The following TNS3 variants were observed in gnomAD, a reference collection of about 807,000 sequenced individuals.
TNS3 encodes tensin 3, also known as tensin-3.
Under a neutral mutation model 140.9 loss-of-function variants are expected in TNS3, and 45 were observed. The observed-to-expected ratio is 0.32, with a 90% confidence interval of 0.25 to 0.41. The LOEUF is 0.41. TNS3 is among the 10% of genes least tolerant of loss of function. TNS3 has a pLI of 1.00. For synonymous variants in TNS3, 815 were observed against 788.4 expected, an observed-to-expected ratio of 1.03 and a Z score of -0.56; for missense variants, 1,716 against 1,906.7, an observed-to-expected ratio of 0.90 and a Z score of 1.86.
intron 2 of TNS3, 89 bp downstream of exon 2, chr7:47,528,947 T>G: frequency 2.6e-6 from 2 of 767,010 alleles, no homozygotes; most frequent in Non-Finnish European, 1.8e-6. Context: ...GATTTAACTT[T>G]CGGAAACTCC....
At chr7:47,471,808 G>A (rs1329091470) in intron 4 of TNS3, among the ~76,000 whole-genome samples, 1 of 152,296 alleles carries the variant, frequency 6.6e-6, no homozygotes, top group East Asian at 1.9e-4. Flanking sequence ...AGGCTGGAGA[G>A]GTGTGAGCCA....
intron 4 of TNS3, among the ~76,000 whole-genome samples, chr7:47,451,349 G>A (rs1206079092): frequency 6.6e-6 from 1 of 152,164 alleles, no homozygotes; most frequent in Non-Finnish European, 1.5e-5. Context: ...GGAGGTGGAG[G>A]CAAATGGATC....
intron 9 of TNS3, among the ~76,000 whole-genome samples, chr7:47,426,419 T>C (rs188034947): frequency 1.7e-3 from 259 of 152,300 alleles, no homozygotes; most frequent in African/African-American, 6.1e-3. Flanking sequence ...TAAAATGATA[T>C]TAATGTAGAA....
intron 20 of TNS3, among the ~76,000 whole-genome samples, chr7:47,332,727 A>G (rs1399635712): frequency 6.6e-6 from 1 of 152,236 alleles, no homozygotes; most frequent in African/African-American, 2.4e-5. Flanking sequence ...ACTTCCCCCA[A>G]CACCATGCAT....
chr7:47,551,383 G>A (rs1294204158), intron 1 of TNS3, among the ~76,000 whole-genome samples: 1 of 152,200 alleles, frequency 6.6e-6, no homozygotes, highest in Non-Finnish European at 1.5e-5. Flanking sequence ...GTTTCCTTAA[G>A]CAAATGGGGA....
At chr7:47,338,645 C>T (rs979380705) in intron 20 of TNS3, among the ~76,000 whole-genome samples, 10 of 152,132 alleles carry the variant, frequency 6.6e-5, no homozygotes. Context: ...ACAGCTGCAT[C>T]CATGTTGTTG....
intron 1 of TNS3, among the ~76,000 whole-genome samples, chr7:47,551,931 G>T (rs895614384): frequency 2.0e-5 from 3 of 152,082 alleles, no homozygotes; most frequent in African/African-American, 7.3e-5. Context: ...ACAAAACCGT[G>T]TGTCCACCGG....
chr7:47,401,707 C>T (rs571812445), intron 13 of TNS3, among the ~76,000 whole-genome samples: 1 of 152,202 alleles, frequency 6.6e-6, no homozygotes, highest in African/African-American at 2.4e-5. Flanking sequence ...ATAACTAGGT[C>T]CCCCCTGCTT....
chr7:47,519,996 G>T (rs572200851), intron 2 of TNS3, among the ~76,000 whole-genome samples: 2 of 151,596 alleles, frequency 1.3e-5, no homozygotes, highest in Admixed American at 6.6e-5. Context: ...CTAATTTTTT[G>T]TGTTTTTTTT....
intron 3 of TNS3, among the ~76,000 whole-genome samples, chr7:47,482,196 C>G (rs980033588): frequency 6.6e-6 from 1 of 152,230 alleles, no homozygotes; most frequent in Non-Finnish European, 1.5e-5. Flanking sequence ...GAAGGAGAAT[C>G]GTAGAGAATC....
intron 4 of TNS3, among the ~76,000 whole-genome samples, chr7:47,472,659 G>A (rs914112635): frequency 2.6e-5 from 4 of 152,114 alleles, no homozygotes; most frequent in African/African-American, 9.7e-5. Flanking sequence ...ACCAGAAGGC[G>A]CAGGTGAGCC....
chr7:47,308,821 C>T (rs1222488534), intron 20 of TNS3, among the ~76,000 whole-genome samples: 2 of 152,176 alleles, frequency 1.3e-5, no homozygotes, highest in Non-Finnish European at 2.9e-5. Flanking sequence ...CTGGGTTAGC[C>T]TCTCTTTCCA....
intron 20 of TNS3, among the ~76,000 whole-genome samples, chr7:47,318,823 G>T (rs987747787): frequency 2.0e-5 from 3 of 152,204 alleles, no homozygotes; most frequent in Non-Finnish European, 2.9e-5. Context: ...ACCGGCGAGG[G>T]TCTATGCCAA....
intron 3 of TNS3, among the ~76,000 whole-genome samples, chr7:47,495,190 CAAAAAAAAA>C (rs11353260): frequency 2.5e-5 from 2 of 79,682 alleles, no homozygotes; most frequent in Admixed American, 1.4e-4. Context: ...GACTCCGTCT[CAAAAAAAAA>C]AAAAAAAAAA....
rs530954468 is a variant in TNS3 at position 47,344,775 on chromosome 7, C to T, written c.2630G>A (p.Ser877Asn). Residue 877 changes from serine to asparagine, a missense_variant, in exon 20 of 31, where the codon AGT (serine) becomes AAT (asparagine). Physicochemically the swap from Ser to Asn is conservative, Grantham distance 46 (BLOSUM62 1). This residue lies in a region of TNS3 where 1,163 missense variants were observed against 1,182.1 expected (regional missense o/e 0.98). Transcript: ENST00000311160. ...PPEPPLSSPASQHKGGREPRS... is the reference protein window; with the variant it reads ...PPEPPLSSPANQHKGGREPRS... ...CTTACCACGTCCTCCTTTGTGCTGA[C>T]TGGCTGGGCTGCTCAGCGGGGGCTC... 3.7e-6 allele frequency: 6 copies of T among 1,612,832 alleles called. No individual in the cohort carries two copies. Among genetic ancestry groups the T allele is most frequent in the Non-Finnish European group, 5.1e-6 (6 of 1,179,950 alleles).
intron 27 of TNS3, among the ~76,000 whole-genome samples, chr7:47,285,464 T>G (rs1429415051): frequency 6.6e-6 from 1 of 152,162 alleles, no homozygotes; most frequent in African/African-American, 2.4e-5. Flanking sequence ...TAAAGGGTAG[T>G]TCCCCTGCAC....
chr7:47,546,583 A>G (rs916924770), intron 1 of TNS3, among the ~76,000 whole-genome samples: 11 of 152,204 alleles, frequency 7.2e-5, no homozygotes, highest in African/African-American at 2.7e-4. Flanking sequence ...AATTTTTTTA[A>G]ATATCACTAA....
chr7:47,533,660 A>G (rs1305157099), intron 1 of TNS3, among the ~76,000 whole-genome samples: 2 of 151,918 alleles, frequency 1.3e-5, no homozygotes, highest in African/African-American at 2.4e-5. Context: ...CCCAAATCTC[A>G]TCTTGAATTC....
intron 17 of TNS3, among the ~76,000 whole-genome samples, chr7:47,358,636 G>A (rs1790142825): frequency 6.6e-6 from 1 of 152,222 alleles, no homozygotes; most frequent in Non-Finnish European, 1.5e-5. Context: ...TCTCGGGAGT[G>A]TCGGCAGCCT....
Sources: gnomAD v4.1 joint callset for allele counts (sites outside exome capture counted in the v4.1 genomes callset) on GRCh38, gnomAD v4.1.1 for gene constraint, gnomAD v4.1.1 regional missense constraint, MANE v1.5 for transcripts, NCBI Gene and HGNC (gene_info 2026-07-23, HGNC 2026-07-21) for gene names.